PHF2: variants seen among roughly 807,000 people sequenced by gnomAD.
The protein encoded by PHF2 is lysine-specific demethylase PHF2.
Under a neutral mutation model 120.5 loss-of-function variants are expected in PHF2, and 27 were observed. The observed-to-expected ratio is 0.22, with a 90% CI of 0.17 to 0.31. The LOEUF is 0.31. Among genes scored for constraint, PHF2 ranks in the 10% least tolerant of loss-of-function variants. The pLI is 1.00. For synonymous variants in PHF2, 568 were observed against 592.5 expected, an observed-to-expected ratio of 0.96 and a Z score of 0.60; for missense variants, 1,024 against 1,434.8, an observed-to-expected ratio of 0.71 and a Z score of 4.63.
At position 93,656,424 on chromosome 9, in the gene PHF2, A is replaced by G; in HGVS notation, c.1041-65A>G. The G allele has an allele frequency of 2.6e-6, 3 of 1,162,290 alleles. No individual in the cohort carries two copies. The highest frequency in any genetic ancestry group is 2.6e-6 in the Non-Finnish European group (2 of 776,306). 72.0% of individuals were successfully genotyped at this position (1,162,290 alleles called of 1,614,324 possible). A position where few individuals can be genotyped will look rare whatever the true frequency, so the allele number is the denominator to read the frequency against. On this transcript the variant is annotated intron_variant, in intron 8 of 21. Coordinates refer to ENST00000359246, the MANE Select transcript of PHF2 (RefSeq NM_005392.4). This position sits in a 1 kb window ranked among gnomAD's most constrained non-coding sequence, Gnocchi z 4.1. ...CTGAGCTGGTGTGTCTGGGGCCTGG[A>G]TTGATGCCCAGCGTCGCCTGCTTGA...
At chr9:93,615,223 G>A (rs1396119535) in intron 1 of PHF2, among the ~76,000 whole-genome samples, 1 of 150,666 alleles carries the variant, frequency 6.6e-6, no homozygotes, top group Non-Finnish European at 1.5e-5. Context: ...GATGGTGATA[G>A]TAATGGTGAT....
At chr9:93,603,410 G>A (rs1825482158) in intron 1 of PHF2, among the ~76,000 whole-genome samples, 1 of 152,142 alleles carries the variant, frequency 6.6e-6, no homozygotes, top group Non-Finnish European at 1.5e-5. Flanking sequence ...CTATGTTGTT[G>A]TGGTTATTTT....
chr9:93,592,326 T>C (rs1002390220), intron 1 of PHF2, among the ~76,000 whole-genome samples: 3 of 152,114 alleles, frequency 2.0e-5, no homozygotes, highest in Admixed American at 6.5e-5. Flanking sequence ...GACACAACAC[T>C]CAGGGCGGGC....
chr9:93,587,110 CATGGAGT>C (rs1349583733), intron 1 of PHF2, among the ~76,000 whole-genome samples: 11 of 152,158 alleles, frequency 7.2e-5, no homozygotes, highest in African/African-American at 2.7e-4. Flanking sequence ...CTGTGGGAGG[CATGGAGT>C]ATAGGGCAAG....
Position 93,662,963 on chromosome 9 carries a change from T to G in PHF2, c.1755T>G (p.Asp585Glu). The G allele has an allele frequency of 6.2e-7, 1 of 1,613,988 alleles. No homozygotes were observed. Among genetic ancestry groups the G allele is most frequent in the Non-Finnish European group, 8.5e-7 (1 of 1,179,978 alleles). The change falls in exon 13 of 22, where the codon GAT (aspartate) becomes GAG (glutamate). Residue 585 changes from aspartate (D) to glutamate (E), a missense_variant. By Grantham distance (45) the Asp-to-Glu change is conservative. Coordinates refer to ENST00000359246, the MANE Select transcript of PHF2 (RefSeq NM_005392.4). ...AAGATGTGGTTCACATGCAGAATGATGTGGAGAGGCTGGAAATTCGAGAGC... is the reference window on the plus strand; with the variant it reads ...AAGATGTGGTTCACATGCAGAATGAGGTGGAGAGGCTGGAAATTCGAGAGC... ...PNKDVVHMQN[D>E]VERLEIREQT... is the part of the protein sequence containing the mutation.
In PHF2 at chr9:93,576,769, G is replaced by A. The variant is rs1162701917; in HGVS notation, c.-5G>A. 9 of 1,234,628 alleles carry A rather than the reference G, an allele frequency of 7.3e-6. No individual in the cohort carries two copies. The Admixed American group carries it at 1.5e-4, about 21-fold the overall frequency. 76.5% of individuals were successfully genotyped at this position (1,234,628 alleles called of 1,614,324 possible). On this transcript the variant is annotated 5_prime_UTR_variant, in exon 1 of 22. Transcript: ENST00000359246. ...CGGGGCCGAGCGGCGGCGCGGCGCG[G>A]CAACATGGCGACGGTGCCCGTGTAC... is the stretch of plus-strand genomic sequence containing the variant.
intron 1 of PHF2, among the ~76,000 whole-genome samples, chr9:93,623,267 G>C (rs567726419): frequency 6.6e-6 from 1 of 152,198 alleles, no homozygotes; most frequent in African/African-American, 2.4e-5. Context: ...TAACATGTAT[G>C]CTTGAAGTGA....
chr9:93,613,228 A>G (rs1213336171), intron 1 of PHF2, among the ~76,000 whole-genome samples: 1 of 152,202 alleles, frequency 6.6e-6, no homozygotes, highest in African/African-American at 2.4e-5. Flanking sequence ...AATGTAGTTG[A>G]GAAGTGAATT....
At chr9:93,582,010 C>T (rs1422830756) in intron 1 of PHF2, among the ~76,000 whole-genome samples, 1 of 152,154 alleles carries the variant, frequency 6.6e-6, no homozygotes, top group Non-Finnish European at 1.5e-5. Context: ...GATTGTGCTG[C>T]GGAAGCTAAC....
intron 1 of PHF2, among the ~76,000 whole-genome samples, chr9:93,620,872 T>TA (rs1252338445): frequency 6.6e-6 from 1 of 152,232 alleles, no homozygotes; most frequent in Admixed American, 6.5e-5. Flanking sequence ...TCTGGTACAA[T>TA]AAAATAAATG....
chr9:93,643,735 A>T (rs1383794655), intron 3 of PHF2, among the ~76,000 whole-genome samples: 1 of 152,160 alleles, frequency 6.6e-6, no homozygotes, highest in Admixed American at 6.5e-5. Context: ...CAACTGGCAC[A>T]TCCCTGGAGA....
intron 6 of PHF2, 109 bp downstream of exon 6, chr9:93,653,474 G>T: frequency 8.6e-7 from 1 of 1,162,110 alleles, no homozygotes; most frequent in East Asian, 2.4e-5. Flanking sequence ...ACTCCCCAGA[G>T]GGCCCCTGGA....
At chr9:93,626,584 A>G (rs1825918704) in intron 1 of PHF2, among the ~76,000 whole-genome samples, 1 of 152,282 alleles carries the variant, frequency 6.6e-6, no homozygotes, top group Non-Finnish European at 1.5e-5. Context: ...TTTAATTTTG[A>G]TGGAATCCAA....
At chr9:93,657,784 G>C (rs1282575060) in intron 9 of PHF2, among the ~76,000 whole-genome samples, 3 of 152,210 alleles carry the variant, frequency 2.0e-5, no homozygotes, top group African/African-American at 7.2e-5. Flanking sequence ...GGGGATGCCT[G>C]GTGTGGGCCC....
intron 5 of PHF2, among the ~76,000 whole-genome samples, 162 bp downstream of exon 5, chr9:93,649,374 CTTTTTT>C (rs752368762): frequency 1.1e-4 from 12 of 105,832 alleles, no homozygotes; most frequent in African/African-American, 4.5e-4. Flanking sequence ...AAATTTTTTC[CTTTTTT>C]TTTTTTTTTT....
chr9:93,589,069 A>G (rs1487690082), intron 1 of PHF2, among the ~76,000 whole-genome samples: 3 of 152,172 alleles, frequency 2.0e-5, no homozygotes, highest in Non-Finnish European at 4.4e-5. Flanking sequence ...AGGAAGGTGA[A>G]GCCGCTTTCC....
At chr9:93,622,867 G>C (rs1825847729) in intron 1 of PHF2, among the ~76,000 whole-genome samples, 1 of 152,186 alleles carries the variant, frequency 6.6e-6, no homozygotes, top group South Asian at 2.1e-4. Context: ...GTTCTACTCT[G>C]AGTTTGGTGG....
chr9:93,593,081 T>C (rs1304080785), intron 1 of PHF2, among the ~76,000 whole-genome samples: 1 of 34,786 alleles, frequency 2.9e-5, no homozygotes, highest in Admixed American at 3.5e-4. Context: ...TTGTCCTTTA[T>C]GCCAAAAAAA....
chr9:93,619,445 A>C (rs947311711), intron 1 of PHF2, among the ~76,000 whole-genome samples: 1 of 152,172 alleles, frequency 6.6e-6, no homozygotes, highest in Non-Finnish European at 1.5e-5. Flanking sequence ...GAGCATTCCA[A>C]GTGTCCTCAG....
Sources: gnomAD v4.1 joint callset for allele counts (sites outside exome capture counted in the v4.1 genomes callset) on GRCh38, gnomAD v4.1.1 for gene constraint, Gnocchi (gnomAD v3.1) non-coding constraint, MANE v1.5 for transcripts, NCBI Gene and HGNC (gene_info 2026-07-23, HGNC 2026-07-21) for gene names.